Variants in CDH4 observed in about 807,000 individuals in gnomAD.
The protein encoded by CDH4 is cadherin-4.
CDH4 carries 33 observed loss-of-function variants against 86.0 expected under a neutral mutation model. The ratio of observed to expected loss-of-function variants is 0.38; its 90% CI spans 0.29 to 0.51. The LOEUF is 0.51. Ranked by LOEUF, CDH4 falls within the 20% of genes least tolerant of loss-of-function variation. CDH4 has a pLI of 0.86. For missense variants in CDH4, 1,114 were observed against 1,307.4 expected (o/e 0.85, Z 2.28); for synonymous variants, 555 against 549.4 (o/e 1.01, Z -0.14).
At chr20:61,514,029 A>G (rs1007236399) in intron 2 of CDH4, among the ~76,000 whole-genome samples, 6 of 152,266 alleles carry the variant, frequency 3.9e-5, no homozygotes, top group Admixed American at 1.3e-4. Context: ...CTTACAAGCA[A>G]GAGTTTTTAA....
chr20:61,360,350 G>A (rs1490779173), intron 2 of CDH4, among the ~76,000 whole-genome samples: 3 of 152,230 alleles, frequency 2.0e-5, no homozygotes, highest in African/African-American at 7.2e-5. Flanking sequence ...TGGGGCTGGT[G>A]TGTGCCCTCG....
intron 2 of CDH4, among the ~76,000 whole-genome samples, chr20:61,346,741 CAA>C (rs11477481): frequency 2.1e-3 from 281 of 135,390 alleles, no homozygotes; most frequent in African/African-American, 3.4e-3. Context: ...GAGACTCTGT[CAA>C]AAAAAAAAAA....
At chr20:61,407,026 TGGACCACCATCTGCTCTGCCC>T (rs1555846863) in intron 2 of CDH4, among the ~76,000 whole-genome samples, 1 of 141,382 alleles carries the variant, frequency 7.1e-6, no homozygotes, top group African/African-American at 2.6e-5. Flanking sequence ...CTGCTCTGCC[TGGACCACCATCTGCTCTGCCC>T]GGACCACCAT....
At chr20:61,791,781 G>A (rs936271588) in intron 4 of CDH4, among the ~76,000 whole-genome samples, 5 of 152,134 alleles carry the variant, frequency 3.3e-5, no homozygotes, top group African/African-American at 4.8e-5. Flanking sequence ...GCAAGGAGCC[G>A]GCTGTGCACA....
chr20:61,700,062 A>G (rs1050561727), intron 2 of CDH4, among the ~76,000 whole-genome samples: 3 of 152,134 alleles, frequency 2.0e-5, no homozygotes, highest in Admixed American at 6.5e-5. Flanking sequence ...ACCCCCGGGG[A>G]CAAGGAAGGG....
intron 2 of CDH4, among the ~76,000 whole-genome samples, chr20:61,595,137 C>T (rs1416538353): frequency 6.6e-6 from 1 of 152,242 alleles, no homozygotes; most frequent in East Asian, 1.9e-4. Context: ...CAGGACCTCC[C>T]ACCCTTGGGT....
In CDH4 at chr20:61,517,361, A is replaced by AT. The variant is rs750983018; in HGVS notation, c.170-226195dup. On this transcript the variant is annotated intron_variant, in intron 2 of 15. Transcript: ENST00000614565. The surrounding 1 kb of genome is among the most constrained non-coding windows in gnomAD (Gnocchi z 6.6). ...AGGTGCACACCACCTTGTGCAGCTA[A>AT]TTTTTTTACTTTTTGTAGAGACAAG... Among the ~76,000 whole-genome samples the AT allele has an allele frequency of 4.6e-5, 7 of 152,138 alleles. No homozygotes were observed. The highest frequency in any genetic ancestry group is 3.9e-4 in the East Asian group (2 of 5,162).
At chr20:61,539,830 G>A (rs1442543372) in intron 2 of CDH4, among the ~76,000 whole-genome samples, 9 of 152,240 alleles carry the variant, frequency 5.9e-5, no homozygotes, top group East Asian at 1.9e-4. Context: ...TCCCTTGGCC[G>A]GAGCTGAGCA....
rs912642085 is a variant in CDH4 at position 61,680,823 on chromosome 20, T to A, written c.170-62740T>A. On this transcript the variant is annotated intron_variant, in intron 2 of 15. Transcript: ENST00000614565. ...CCTGGAACCTCAGCTCTGTCCTGAG[T>A]TCCCCCCTGTGTCTTCTTCTCATCC... 4.1e-5 allele frequency among the ~76,000 whole-genome samples: 5 copies of A among 120,548 alleles called. No homozygotes were observed. In the South Asian group the frequency reaches 7.3e-4, roughly 18 times the overall value. 79.1% of individuals were successfully genotyped at this position (120,548 alleles called of 152,430 possible).
At chr20:61,859,044 G>A (rs957375054) in intron 6 of CDH4, among the ~76,000 whole-genome samples, 2 of 152,090 alleles carry the variant, frequency 1.3e-5, no homozygotes, top group East Asian at 1.9e-4. Flanking sequence ...TGAGAGTCCC[G>A]GATTCTCGGC....
chr20:61,634,339 A>G (rs1648682641), intron 2 of CDH4, among the ~76,000 whole-genome samples: 2 of 152,192 alleles, frequency 1.3e-5, no homozygotes, highest in South Asian at 4.1e-4. Flanking sequence ...TGGTGAAACA[A>G]AGGGAGGATG....
chr20:61,617,290 A>T (rs1382555777), intron 2 of CDH4, among the ~76,000 whole-genome samples: 2 of 152,152 alleles, frequency 1.3e-5, no homozygotes, highest in African/African-American at 2.4e-5. Context: ...CTATCCGCAG[A>T]TGTGTCCCCA....
intron 2 of CDH4, among the ~76,000 whole-genome samples, chr20:61,291,654 C>A (rs1350483605): frequency 2.7e-5 from 4 of 149,412 alleles, no homozygotes; most frequent in Non-Finnish European, 5.9e-5. Flanking sequence ...CATGCGGGCA[C>A]CCGCGCCAGG....
chr20:61,530,149 C>G (rs919118442), intron 2 of CDH4, among the ~76,000 whole-genome samples: 8 of 152,180 alleles, frequency 5.3e-5, no homozygotes, highest in African/African-American at 1.9e-4. Flanking sequence ...TCTCCTGCCT[C>G]AGCCTCCTGA....
intron 2 of CDH4, among the ~76,000 whole-genome samples, chr20:61,409,907 C>G (rs1466262834): frequency 6.6e-6 from 1 of 152,234 alleles, no homozygotes; most frequent in Non-Finnish European, 1.5e-5. Context: ...AGATTGATCA[C>G]CATCTTATTC....
intron 2 of CDH4, among the ~76,000 whole-genome samples, chr20:61,733,460 G>A (rs191971450): frequency 3.9e-4 from 59 of 152,198 alleles, no homozygotes; most frequent in Admixed American, 3.3e-3. Context: ...CAGAGGCCTC[G>A]GGATGCATGC....
At chr20:61,317,750 C>G (rs950060812) in intron 2 of CDH4, among the ~76,000 whole-genome samples, 1 of 152,168 alleles carries the variant, frequency 6.6e-6, no homozygotes, top group African/African-American at 2.4e-5. Flanking sequence ...CCACCATGCC[C>G]GAGACCCCCA....
intron 2 of CDH4, among the ~76,000 whole-genome samples, chr20:61,619,955 G>A (rs546342040): frequency 9.8e-5 from 15 of 152,320 alleles, no homozygotes; most frequent in Admixed American, 9.1e-4. Flanking sequence ...CCTCCATGAC[G>A]CTTGTTCTGC....
At chr20:61,547,825 G>A (rs1393660289) in intron 2 of CDH4, among the ~76,000 whole-genome samples, 1 of 152,230 alleles carries the variant, frequency 6.6e-6, no homozygotes, top group Non-Finnish European at 1.5e-5. Context: ...GTGCATGCCT[G>A]CACATACACG....
Sources: allele counts gnomAD v4.1 joint callset (sites outside exome capture counted in the v4.1 genomes callset), GRCh38; gene constraint gnomAD v4.1.1; non-coding constraint Gnocchi (gnomAD v3.1); transcripts MANE v1.5; gene names NCBI Gene and HGNC (gene_info 2026-07-23, HGNC 2026-07-21).